Variants in OXSR1 observed in about 807,000 individuals in gnomAD.
OXSR1 encodes the protein serine/threonine-protein kinase OSR1.
In OXSR1, 24 loss-of-function variants were observed where a neutral mutation model predicts 79.8. The observed-to-expected ratio is 0.30, with a 90% CI of 0.22 to 0.42. The LOEUF (loss-of-function observed/expected upper bound fraction) is 0.42. Among genes scored for constraint, OXSR1 ranks in the 10% least tolerant of loss-of-function variants. The pLI is 1.00. For synonymous variants in OXSR1, 226 were observed against 209.2 expected, an observed-to-expected ratio of 1.08 and a Z score of -0.69; for missense variants, 430 against 618.4, an observed-to-expected ratio of 0.70 and a Z score of 3.23.
intron 1 of OXSR1, among the ~76,000 whole-genome samples, chr3:38,179,691 C>CAAGTCCTGCAGT (rs1468846742): frequency 8.5e-5 from 13 of 152,176 alleles, no homozygotes; most frequent in Non-Finnish European, 1.6e-4. Flanking sequence ...CATGCATACT[C>CAAGTCCTGCAGT]AAGTCCTGCA....
chr3:38,242,758 G>A lies in OXSR1; in HGVS notation c.1090G>A (p.Glu364Lys). The A allele has an allele frequency of 6.4e-7, 1 of 1,563,504 alleles. No individual in the cohort carries two copies. Among genetic ancestry groups the A allele is most frequent in the Non-Finnish European group, 8.7e-7 (1 of 1,143,086 alleles). ...ISQLRSPRVK[E>K]SISNSELFPT... is the part of the protein sequence containing the mutation. ...TTTCGTTTAGTCTCCCCGAGTGAAA[G>A]AATCAATATCAAATTCTGAGGTAAG... The change falls in exon 12 of 18, where the codon GAA (glutamate) becomes AAA (lysine). Residue 364 changes from glutamate to lysine, a missense_variant. Transcript: ENST00000311806.
At chr3:38,200,525 CATTTAAAGGGGAGGAACAGGGAAT>C (rs1266311519) in intron 4 of OXSR1, among the ~76,000 whole-genome samples, 4 of 152,030 alleles carry the variant, frequency 2.6e-5, no homozygotes, top group South Asian at 2.1e-4. Context: ...ATTTTAGATA[CATTTAAAGGGGAGGAACAGGGAAT>C]ATTTAAAGGG....
At chr3:38,249,364 A>G (rs1559530139) in intron 14 of OXSR1, among the ~76,000 whole-genome samples, 1 of 152,148 alleles carries the variant, frequency 6.6e-6, no homozygotes, top group Non-Finnish European at 1.5e-5. Context: ...TAACTCTGCT[A>G]CCAGTATGGA....
rs1176125791 is a variant in OXSR1, at chr3:38,254,661, A to G, written c.*1770A>G. On this transcript the variant is annotated 3_prime_UTR_variant, in exon 18 of 18. Coordinates refer to ENST00000311806, the MANE Select transcript of OXSR1 (RefSeq NM_005109.3). ...GGGAGGTAGGAATGAGGTATAGAAA[A>G]GAGATAGCATCTTCTTTGGCACAAG... 6.2e-6 allele frequency: 1 copy of G among 161,314 alleles called. No individual in the cohort carries two copies. The highest frequency in any genetic ancestry group is 1.7e-4 in the East Asian group (1 of 5,896). The allele number at this position is 161,314 out of a possible 1,614,324, so 10.0% of individuals were successfully genotyped here.
chr3:38,177,498 T>C (rs1327078045), intron 1 of OXSR1, among the ~76,000 whole-genome samples: 1 of 152,226 alleles, frequency 6.6e-6, no homozygotes, highest in Non-Finnish European at 1.5e-5. Flanking sequence ...GTTGTCAAAA[T>C]TGTTTATGTA....
chr3:38,173,309 A>G (rs1701618076), intron 1 of OXSR1, among the ~76,000 whole-genome samples: 1 of 152,340 alleles, frequency 6.6e-6, no homozygotes, highest in East Asian at 1.9e-4. Flanking sequence ...TATTGCAAGT[A>G]AATAATTTAA....
At chr3:38,212,996 A>C (rs1236686684) in intron 4 of OXSR1, among the ~76,000 whole-genome samples, 1 of 152,206 alleles carries the variant, frequency 6.6e-6, no homozygotes, top group Non-Finnish European at 1.5e-5. Context: ...TACAGATTGT[A>C]CTTTTGGTTT....
At position 38,233,141 on chromosome 3, in the gene OXSR1, C is replaced by T. The variant is rs758805841; in HGVS notation, c.951+2711C>T. 1.6e-4 allele frequency among the ~76,000 whole-genome samples: 25 copies of T among 152,174 alleles called. 1 individual carries two copies. The highest frequency in any genetic ancestry group is 3.1e-4 in the Non-Finnish European group (21 of 68,028). Reference sequence around the variant, plus strand: ...TCTGCAGAAGGGTAAAAGAAATGGTCTCTGAACTGAAGGACACCAGGCACA... The same window carrying T: ...TCTGCAGAAGGGTAAAAGAAATGGTTTCTGAACTGAAGGACACCAGGCACA... On this transcript the variant is annotated intron_variant, in intron 10 of 17. Transcript: ENST00000311806.
intron 5 of OXSR1, 150 bp downstream of exon 5, chr3:38,216,301 C>T (rs1702481618): frequency 6.8e-6 from 4 of 585,344 alleles, no homozygotes; most frequent in Non-Finnish European, 1.2e-5. Flanking sequence ...ATGCCACCGA[C>T]TCTCAAGATA....
At chr3:38,171,117 A>T (rs1701572835) in intron 1 of OXSR1, among the ~76,000 whole-genome samples, 1 of 152,032 alleles carries the variant, frequency 6.6e-6, no homozygotes, top group South Asian at 2.1e-4. Context: ...AATCTGATGG[A>T]TGTTCCACAC....
At chr3:38,181,035 A>AT (rs373907634) in intron 1 of OXSR1, among the ~76,000 whole-genome samples, 2 of 151,874 alleles carry the variant, frequency 1.3e-5, no homozygotes, top group Non-Finnish European at 2.9e-5. Flanking sequence ...TAAGATGTAC[A>AT]TTTTTGGGAG....
chr3:38,214,390 TAAGG>T (rs958918995), intron 4 of OXSR1, among the ~76,000 whole-genome samples: 1 of 152,044 alleles, frequency 6.6e-6, no homozygotes, highest in African/African-American at 2.4e-5. Context: ...CATGGTGAAA[TAAGG>T]AAGGGAGACA....
chr3:38,173,980 A>G (rs1401615710), intron 1 of OXSR1, among the ~76,000 whole-genome samples: 1 of 152,230 alleles, frequency 6.6e-6, no homozygotes, highest in Non-Finnish European at 1.5e-5. Context: ...AAGGTGAAGA[A>G]GTGAATGATG....
rs139570170 is a variant in OXSR1, at chr3:38,190,790, T to G, written c.243T>G (p.Ser81=). Residue 81 remains serine (S), a synonymous_variant, in exon 3 of 18, where the codon TCT becomes TCG. Coordinates refer to ENST00000311806, the MANE Select transcript of OXSR1 (RefSeq NM_005109.3). ...CTAATATTGTATCTTACTACACATCTTTTGTGGTAAAAGATGAGCTGTGGC... is the reference window on the plus strand; with the variant it reads ...CTAATATTGTATCTTACTACACATCGTTTGTGGTAAAAGATGAGCTGTGGC... ...HHPNIVSYYT[S]FVVKDELWLV... 7.5e-6 allele frequency: 12 copies of G among 1,610,422 alleles called. No individual in the cohort carries two copies. The South Asian group carries it at 1.2e-4, about 16-fold the overall frequency.
At chr3:38,219,999 G>A (rs1464667207) in intron 5 of OXSR1, among the ~76,000 whole-genome samples, 3 of 152,068 alleles carry the variant, frequency 2.0e-5, no homozygotes, top group Non-Finnish European at 4.4e-5. Context: ...TACAGATGGG[G>A]TCTCACTGTG....
intron 10 of OXSR1, among the ~76,000 whole-genome samples, chr3:38,233,554 AACTT>A (rs1369311656): frequency 2.6e-5 from 4 of 152,192 alleles, no homozygotes; most frequent in African/African-American, 4.8e-5. Context: ...AAAAAAGAGA[AACTT>A]ACAGGAAACA....
At chr3:38,183,686 C>T (rs1331593466) in intron 2 of OXSR1, among the ~76,000 whole-genome samples, 1 of 151,958 alleles carries the variant, frequency 6.6e-6, no homozygotes, top group Admixed American at 6.6e-5. Flanking sequence ...TAGAATGACC[C>T]CCAGGCAGCA....
chr3:38,211,255 G>A (rs564030811), intron 4 of OXSR1, among the ~76,000 whole-genome samples: 50 of 152,208 alleles, frequency 3.3e-4, no homozygotes, highest in Admixed American at 1.2e-3. Flanking sequence ...TCCTTTGAGC[G>A]GGACTCTAAG....
At chr3:38,240,588 C>T (rs2125849532) in intron 11 of OXSR1, among the ~76,000 whole-genome samples, 1 of 152,034 alleles carries the variant, frequency 6.6e-6, no homozygotes, top group South Asian at 2.1e-4. Flanking sequence ...TACCATTCCC[C>T]ACTAAAGGGA....
Sources: allele counts gnomAD v4.1 joint callset (sites outside exome capture counted in the v4.1 genomes callset), GRCh38; gene constraint gnomAD v4.1.1; transcripts MANE v1.5; gene names NCBI Gene and HGNC (gene_info 2026-07-23, HGNC 2026-07-21).